Variants in THADA observed in about 807,000 individuals in gnomAD.
The protein encoded by THADA is THADA armadillo repeat containing, also known as tRNA (32-2'-O)-methyltransferase regulator THADA.
A neutral mutation model predicts 219.8 loss-of-function variants in THADA; 213 were observed. The observed-to-expected ratio is 0.97, with a 90% CI of 0.87 to 1.09. THADA has a LOEUF of 1.09. Ranked by LOEUF, THADA falls within the 50% of genes least tolerant of loss-of-function variation. THADA has a pLI of 0.00. For synonymous variants in THADA, 1,018 were observed against 828.9 expected (o/e 1.23, Z -3.92); for missense variants, 2,956 against 2,311.3 (o/e 1.28, Z -5.72).
intron 29 of THADA, among the ~76,000 whole-genome samples, chr2:43,351,683 C>G (rs1378085518): frequency 6.6e-6 from 1 of 152,174 alleles, no homozygotes; most frequent in Non-Finnish European, 1.5e-5. Flanking sequence ...TTCATTGATT[C>G]GGAATTCTAC....
chr2:43,574,411 T>G lies in THADA; in HGVS notation c.1654A>C (p.Lys552Gln). The G allele has an allele frequency of 6.2e-7, 1 of 1,610,428 alleles. No homozygotes were observed. Among genetic ancestry groups the G allele is most frequent in the African/African-American group, 1.3e-5 (1 of 75,010 alleles). ...CTTTCAGGGCTGTAACTTAATAATT[T>G]TGGCAAGTAATAATCAATCACGTAA... ...KSYVIDYYLP[K>Q]LLSYSPESLQ... is the part of the protein sequence containing the mutation. Residue 552 changes from lysine to glutamine, a missense_variant, in exon 11 of 38, where the codon AAA (lysine) becomes CAA (glutamine). By Grantham distance (53) the Lys-to-Gln change is moderately conservative (BLOSUM62 1). Transcript: ENST00000405975.
chr2:43,295,608 G>C (rs372995850), intron 31 of THADA, among the ~76,000 whole-genome samples: 2 of 152,096 alleles, frequency 1.3e-5, no homozygotes, highest in African/African-American at 4.8e-5. Context: ...TAAGTGATAC[G>C]CATTTATAGC....
At chr2:43,489,869 A>G (rs1487132397) in intron 25 of THADA, among the ~76,000 whole-genome samples, 1 of 143,896 alleles carries the variant, frequency 6.9e-6, no homozygotes. Flanking sequence ...GTATTTTAAG[A>G]TCTGCAAAAA....
At chr2:43,445,107 G>A (rs72790932) in intron 26 of THADA, among the ~76,000 whole-genome samples, 1 of 152,094 alleles carries the variant, frequency 6.6e-6, no homozygotes, top group Non-Finnish European at 1.5e-5. Context: ...CCCCACAAGA[G>A]AGAAATCATC....
intron 28 of THADA, among the ~76,000 whole-genome samples, chr2:43,417,211 G>A (rs892716015): frequency 6.6e-6 from 1 of 150,838 alleles, no homozygotes; most frequent in Non-Finnish European, 1.5e-5. Context: ...TCAAAATTAC[G>A]TAAAGCAGTG....
intron 36 of THADA, among the ~76,000 whole-genome samples, chr2:43,268,161 C>G (rs1030219481): frequency 6.6e-6 from 1 of 152,246 alleles, no homozygotes; most frequent in East Asian, 1.9e-4. Flanking sequence ...AACCCAATTA[C>G]TGAAATACAG....
intron 33 of THADA, 23 bp from the exon 34 acceptor site, chr2:43,291,791 AAAC>A (rs756453617): frequency 1.3e-6 from 2 of 1,529,486 alleles, no homozygotes; most frequent in South Asian, 2.5e-5. Context: ...ACAAACAAAA[AAAC>A]AACACAAAAT....
intron 25 of THADA, among the ~76,000 whole-genome samples, chr2:43,497,948 T>C (rs997097626): frequency 4.6e-5 from 7 of 152,182 alleles, no homozygotes; most frequent in Admixed American, 1.3e-4. Flanking sequence ...CAAACCACCA[T>C]GGCACGCTTA....
At chr2:43,551,148 A>G (rs2103877317) in intron 19 of THADA, among the ~76,000 whole-genome samples, 2 of 152,340 alleles carry the variant, frequency 1.3e-5, no homozygotes, top group East Asian at 3.9e-4. Flanking sequence ...CATATGGTTC[A>G]GTGAGTGTTT....
intron 24 of THADA, among the ~76,000 whole-genome samples, chr2:43,505,042 T>C (rs1252355370): frequency 6.6e-6 from 1 of 152,136 alleles, no homozygotes; most frequent in Non-Finnish European, 1.5e-5. Flanking sequence ...ATGTAGGTAG[T>C]GACTAAAAGG....
chr2:43,279,806 A>T lies in THADA; in HGVS notation c.5255T>A (p.Val1752Glu). The T allele has an allele frequency of 6.4e-7, 1 of 1,554,424 alleles. No individual in the cohort carries two copies. The highest frequency in any genetic ancestry group is 8.7e-7 in the Non-Finnish European group (1 of 1,148,626). ...QAVRDAATET[V>E]TTAMSQENTC... is the part of the protein sequence containing the mutation. Reference sequence around the variant, plus strand: ...ATTTTCTTGTGACATGGCAGTTGTCACGGTTTCCGTGGCTGCATCTCTAAC... The same window carrying T: ...ATTTTCTTGTGACATGGCAGTTGTCTCGGTTTCCGTGGCTGCATCTCTAAC... Residue 1752 changes from valine to glutamate, a missense_variant, in exon 36 of 38, where the codon GTG becomes GAG. Physicochemically the swap from Val to Glu is moderately radical, Grantham distance 121 (BLOSUM62 -2). Coordinates refer to ENST00000405975, the MANE Select transcript of THADA (RefSeq NM_022065.5).
intron 22 of THADA, among the ~76,000 whole-genome samples, chr2:43,511,079 G>T (rs1214588155): frequency 6.6e-6 from 1 of 152,064 alleles, no homozygotes; most frequent in East Asian, 1.9e-4. Flanking sequence ...AAGGTAAAGA[G>T]TACTTGATCT....
At chr2:43,447,015 G>A (rs372736134) in intron 26 of THADA, among the ~76,000 whole-genome samples, 10 of 152,240 alleles carry the variant, frequency 6.6e-5, no homozygotes, top group South Asian at 2.1e-4. Flanking sequence ...AGAAATACCC[G>A]AGACTGAATA....
chr2:43,287,968 C>T (rs112302504), intron 34 of THADA, among the ~76,000 whole-genome samples: 49 of 152,306 alleles, frequency 3.2e-4, no homozygotes, highest in African/African-American at 1.2e-3. Flanking sequence ...GAAGCTGGAG[C>T]AAACAGGTGG....
chr2:43,292,142 C>T lies in THADA; in HGVS notation c.4899G>A (p.Glu1633=), dbSNP rs768000359. Residue 1633 remains glutamate (E), a synonymous_variant, in exon 33 of 38, where the codon GAG becomes GAA. Coordinates refer to ENST00000405975, the MANE Select transcript of THADA (RefSeq NM_022065.5). ...TEHCVHLTPK[E]FLIWTMDIAS... The stretch of plus-strand genomic sequence containing the variant: ...CAATATCCATCGTCCAGATCAAGAA[C>T]TCCTTTGGGGTCAGATGGACACAGT... 2 of 1,611,570 alleles carry T rather than the reference C, an allele frequency of 1.2e-6. No individual in the cohort carries two copies. The highest frequency in any genetic ancestry group is 2.7e-5 in the African/African-American group (2 of 74,886).
At chr2:43,235,531 G>A (rs1320363824) in intron 36 of THADA, among the ~76,000 whole-genome samples, 1 of 152,064 alleles carries the variant, frequency 6.6e-6, no homozygotes, top group African/African-American at 2.4e-5. Flanking sequence ...GACCTCAAGT[G>A]ATCTGCCCCC....
intron 25 of THADA, among the ~76,000 whole-genome samples, chr2:43,495,022 C>G (rs988443258): frequency 6.6e-6 from 1 of 152,140 alleles, no homozygotes; most frequent in African/African-American, 2.4e-5. Flanking sequence ...ATGTAGCCAG[C>G]TTTAGGCACA....
intron 26 of THADA, among the ~76,000 whole-genome samples, chr2:43,466,168 T>C (rs1684208369): frequency 6.6e-6 from 1 of 152,250 alleles, no homozygotes; most frequent in South Asian, 2.1e-4. Flanking sequence ...AACACAGCTC[T>C]TCAATGGATA....
chr2:43,251,882 T>G (rs1222526467), intron 36 of THADA, among the ~76,000 whole-genome samples: 1 of 152,234 alleles, frequency 6.6e-6, no homozygotes, highest in African/African-American at 2.4e-5. Context: ...AAATCTGTCA[T>G]ATTGTGAGCA....
Sources: gnomAD v4.1 joint callset for allele counts (sites outside exome capture counted in the v4.1 genomes callset) on GRCh38, gnomAD v4.1.1 for gene constraint, MANE v1.5 for transcripts, NCBI Gene and HGNC (gene_info 2026-07-23, HGNC 2026-07-21) for gene names.